The following SEMA3E variants were observed in gnomAD, a reference collection of about 807,000 sequenced individuals.
The protein encoded by SEMA3E is semaphorin-3E.
A neutral mutation model predicts 93.6 loss-of-function variants in SEMA3E; 49 were observed. That is an observed-to-expected ratio of 0.52 (90% confidence interval 0.42 to 0.66). The LOEUF (loss-of-function observed/expected upper bound fraction) is 0.66, where lower values mean the gene tolerates loss of function less well. Ranked by LOEUF, SEMA3E falls within the 30% of genes least tolerant of loss-of-function variation. The pLI is 0.00. For missense variants in SEMA3E, 906 were observed against 964.8 expected (o/e 0.94, Z 0.81); for synonymous variants, 363 against 330.7 (o/e 1.10, Z -1.06).
intron 1 of SEMA3E, among the ~76,000 whole-genome samples, chr7:83,560,240 A>T (rs1166467288): frequency 1.3e-5 from 2 of 152,100 alleles, no homozygotes; most frequent in Non-Finnish European, 2.9e-5. Context: ...TGATGTGTCA[A>T]TGTAGGTTCA....
Position 83,368,207 on chromosome 7 carries a change from C to G in SEMA3E, c.1876-169G>C, listed in dbSNP as rs80249904. On this transcript the variant is annotated intron_variant, in intron 16 of 16. Coordinates refer to ENST00000643230, the MANE Select transcript of SEMA3E (RefSeq NM_012431.3). ...TAAATAATTACATCTCTCTCTCTCT[C>G]TCTGTGTGTGTGTGTGTGTGTGTGT... Among the ~76,000 whole-genome samples, 420 of 129,170 alleles carry G rather than the reference C, an allele frequency of 3.3e-3. 2 individuals carry two copies. Among genetic ancestry groups the G allele is most frequent in the African/African-American group, 0.013 (380 of 29,892 alleles). 84.7% of individuals were successfully genotyped at this position (129,170 alleles called of 152,430 possible). A position where few individuals can be genotyped will look rare whatever the true frequency, so the allele number is the denominator to read the frequency against.
intron 2 of SEMA3E, among the ~76,000 whole-genome samples, chr7:83,483,118 GA>G (rs559881731): frequency 1.1e-3 from 147 of 132,570 alleles, no homozygotes; most frequent in Middle Eastern, 8.2e-3. Context: ...TCAGAAATCA[GA>G]AAAAAAAAAA....
At chr7:83,430,222 T>A (rs1584243508) in intron 4 of SEMA3E, among the ~76,000 whole-genome samples, 2 of 152,092 alleles carry the variant, frequency 1.3e-5, no homozygotes, top group Non-Finnish European at 2.9e-5. Context: ...CCCAGCACTT[T>A]GGGAAGCCGA....
At chr7:83,374,192 C>G (rs6467945) in intron 16 of SEMA3E, among the ~76,000 whole-genome samples, 137,348 of 140,930 alleles carry the variant, frequency 0.97, 67,029 homozygotes, top group East Asian at 1. Context: ...GGTTACAAGA[C>G]CAAAACTGCG....
At chr7:83,500,467 T>G (rs1007309678) in intron 1 of SEMA3E, among the ~76,000 whole-genome samples, 4 of 151,368 alleles carry the variant, frequency 2.6e-5, no homozygotes, top group African/African-American at 9.7e-5. Context: ...ACAAAAAAAC[T>G]TACTTAAAGG....
At chr7:83,604,343 G>A (rs28458927) in intron 1 of SEMA3E, among the ~76,000 whole-genome samples, 2,510 of 151,730 alleles carry the variant, frequency 0.017, 66 homozygotes, top group African/African-American at 0.056. Context: ...AAAAGTACTT[G>A]AATGTTAAAA....
At chr7:83,398,908 C>T (rs1253351642) in intron 11 of SEMA3E, among the ~76,000 whole-genome samples, 1 of 152,066 alleles carries the variant, frequency 6.6e-6, no homozygotes, top group Non-Finnish European at 1.5e-5. Context: ...CGTGCCATTG[C>T]ACTCCAGCCT....
intron 4 of SEMA3E, among the ~76,000 whole-genome samples, chr7:83,418,761 G>C (rs1788613553): frequency 6.6e-6 from 1 of 152,132 alleles, no homozygotes; most frequent in African/African-American, 2.4e-5. Flanking sequence ...TATTTATTCT[G>C]AGATGTGTCA....
chr7:83,494,718 G>A (rs966941712), intron 1 of SEMA3E, among the ~76,000 whole-genome samples: 11 of 151,834 alleles, frequency 7.2e-5, no homozygotes, highest in Admixed American at 6.6e-4. Context: ...ATTCTAAAGG[G>A]CTTATTATTT....
At chr7:83,414,993 G>T (rs1788513044) in intron 5 of SEMA3E, among the ~76,000 whole-genome samples, 1 of 152,082 alleles carries the variant, frequency 6.6e-6, no homozygotes, top group African/African-American at 2.4e-5. Context: ...TATTGCAATA[G>T]TATGTCAAAT....
intron 1 of SEMA3E, among the ~76,000 whole-genome samples, chr7:83,560,297 G>A (rs564700540): frequency 1.2e-3 from 179 of 152,058 alleles, no homozygotes; most frequent in Middle Eastern, 3.4e-3. Context: ...TTGATAAGAC[G>A]GGAGGCTACG....
intron 1 of SEMA3E, among the ~76,000 whole-genome samples, chr7:83,494,066 TC>T (rs1790439981): frequency 6.6e-6 from 1 of 151,884 alleles, no homozygotes; most frequent in Admixed American, 6.6e-5. Context: ...TTAATTTGCC[TC>T]TTTCCAAAAA....
At chr7:83,541,231 A>C (rs1791524698) in intron 1 of SEMA3E, among the ~76,000 whole-genome samples, 1 of 152,174 alleles carries the variant, frequency 6.6e-6, no homozygotes, top group South Asian at 2.1e-4. Context: ...GGTAGGTAGG[A>C]CTCAACTATT....
chr7:83,387,151 A>G (rs1787898277), intron 14 of SEMA3E, 101 bp from the exon 15 acceptor site: 1 of 914,088 alleles, frequency 1.1e-6, no homozygotes, highest in African/African-American at 1.7e-5. Context: ...TCTGCTACTG[A>G]AAAAAATGAT....
At chr7:83,455,608 C>T (rs938202195) in intron 4 of SEMA3E, among the ~76,000 whole-genome samples, 1 of 152,176 alleles carries the variant, frequency 6.6e-6, no homozygotes, top group Non-Finnish European at 1.5e-5. Context: ...GGCACACCTG[C>T]GAATACGGTA....
At chr7:83,573,585 A>G (rs1284960804) in intron 1 of SEMA3E, among the ~76,000 whole-genome samples, 1 of 152,056 alleles carries the variant, frequency 6.6e-6, no homozygotes, top group Non-Finnish European at 1.5e-5. Flanking sequence ...AGGCATTTTT[A>G]TTGAAGCATA....
At chr7:83,578,241 T>C (rs1046846291) in intron 1 of SEMA3E, among the ~76,000 whole-genome samples, 2 of 152,132 alleles carry the variant, frequency 1.3e-5, no homozygotes, top group Non-Finnish European at 2.9e-5. Flanking sequence ...ATGGCTATAT[T>C]GTGTTAACAT....
chr7:83,398,200 C>G (rs1788163154), intron 11 of SEMA3E, among the ~76,000 whole-genome samples: 1 of 152,068 alleles, frequency 6.6e-6, no homozygotes, highest in Non-Finnish European at 1.5e-5. Flanking sequence ...CTTGATACTT[C>G]TGAAATTCTC....
chr7:83,592,073 G>T (rs760010340), intron 1 of SEMA3E, among the ~76,000 whole-genome samples: 9 of 151,962 alleles, frequency 5.9e-5, no homozygotes, highest in Non-Finnish European at 1.2e-4. Context: ...ATAGCATGGT[G>T]CTTATATATT....
Sources: gnomAD v4.1 joint callset for allele counts (sites outside exome capture counted in the v4.1 genomes callset) on GRCh38, gnomAD v4.1.1 for gene constraint, MANE v1.5 for transcripts, NCBI Gene and HGNC (gene_info 2026-07-23, HGNC 2026-07-21) for gene names.